Variants in CFAP44 observed in about 807,000 individuals in gnomAD.
CFAP44 encodes the protein cilia- and flagella-associated protein 44.
In CFAP44, 134 loss-of-function variants were observed where a neutral mutation model predicts 216.2. That is an observed-to-expected ratio of 0.62 (90% CI 0.54 to 0.72). The LOEUF (loss-of-function observed/expected upper bound fraction) is 0.72, where lower values mean the gene tolerates loss of function less well. Among genes scored for constraint, CFAP44 ranks in the 30% least tolerant of loss-of-function variants. The probability of loss-of-function intolerance (pLI) is 0.00; values close to 1 mark genes in which losing one functional copy is unlikely to be tolerated. For synonymous variants in CFAP44, 700 were observed against 727.6 expected, an observed-to-expected ratio of 0.96 and a Z score of 0.61; for missense variants, 2,035 against 2,182.1, an observed-to-expected ratio of 0.93 and a Z score of 1.34.
At chr3:113,423,084 A>C (rs1302793947) in intron 4 of CFAP44, among the ~76,000 whole-genome samples, 1 of 148,584 alleles carries the variant, frequency 6.7e-6, no homozygotes, top group African/African-American at 2.5e-5. Flanking sequence ...TAATTTGTGC[A>C]TAACTGGAAT....
intron 2 of CFAP44, among the ~76,000 whole-genome samples, chr3:113,428,673 AACCTGAAATC>A (rs1559947320): frequency 6.6e-6 from 1 of 152,218 alleles, no homozygotes; most frequent in Non-Finnish European, 1.5e-5. Flanking sequence ...AAGCAGTTAA[AACCTGAAATC>A]ACAAATGGAT....
In CFAP44 at chr3:113,306,350, T is replaced by C. The variant is rs1949985480; in HGVS notation, c.4628-19A>G. ...TCACAATCTGCCAAGAGAATTAAAA[T>C]AAAAACCAGCCTCATTTGTTATGGA... On this transcript the variant is annotated intron_variant, in intron 29 of 34. Coordinates refer to ENST00000393845, the MANE Select transcript of CFAP44 (RefSeq NM_001164496.2). 6.5e-7 allele frequency: 1 copy of C among 1,531,562 alleles called. No homozygotes were observed. The highest frequency in any genetic ancestry group is 8.7e-7 in the Non-Finnish European group (1 of 1,145,590). The allele number at this position is 1,531,562 out of a possible 1,614,324, so 94.9% of individuals were successfully genotyped here. A position where few individuals can be genotyped will look rare whatever the true frequency, so the allele number is the denominator to read the frequency against.
chr3:113,433,122 G>A (rs1935147312), intron 2 of CFAP44, among the ~76,000 whole-genome samples: 1 of 151,842 alleles, frequency 6.6e-6, no homozygotes, highest in Non-Finnish European at 1.5e-5. Flanking sequence ...AGCTTTCTGG[G>A]AACAGGGAGT....
intron 28 of CFAP44, among the ~76,000 whole-genome samples, chr3:113,323,478 A>G (rs908864062): frequency 1.3e-5 from 2 of 152,174 alleles, no homozygotes; most frequent in Admixed American, 6.5e-5. Flanking sequence ...TGGTGAGGGA[A>G]GGAGGGGGGC....
intron 13 of CFAP44, among the ~76,000 whole-genome samples, chr3:113,398,280 AG>A (rs1181825070): frequency 1.3e-5 from 2 of 152,132 alleles, no homozygotes; most frequent in East Asian, 3.9e-4. Flanking sequence ...ACAAGCACTA[AG>A]GGGAAGAAAA....
At chr3:113,427,040 A>G in intron 3 of CFAP44, 147 bp downstream of exon 3, 2 of 857,216 alleles carry the variant, frequency 2.3e-6, no homozygotes, top group South Asian at 3.5e-5. Context: ...AAAGTACCCT[A>G]CCAAAATATG....
chr3:113,427,423 G>T, intron 2 of CFAP44, 84 bp from the exon 3 acceptor site: 2 of 1,059,722 alleles, frequency 1.9e-6, no homozygotes, highest in Non-Finnish European at 2.7e-6. Flanking sequence ...CAATTTCCTT[G>T]TGCTATAGAT....
chr3:113,305,542 T>G (rs752231001), intron 30 of CFAP44, among the ~76,000 whole-genome samples: 1 of 152,226 alleles, frequency 6.6e-6, no homozygotes, highest in African/African-American at 2.4e-5. Flanking sequence ...TTTAAAGCAA[T>G]GAAACTGCTA....
intron 1 of CFAP44, among the ~76,000 whole-genome samples, chr3:113,435,255 G>T (rs1935207533): frequency 6.6e-6 from 1 of 152,162 alleles, no homozygotes; most frequent in African/African-American, 2.4e-5. Flanking sequence ...ATAAAGGAAA[G>T]GGGTTTAATT....
At chr3:113,434,418 T>C (rs780797405) in intron 1 of CFAP44, 30 of 152,162 alleles carry the variant, frequency 2.0e-4, no homozygotes, top group Non-Finnish European at 4.0e-4. Flanking sequence ...AAAATGGATA[T>C]TGAAGAGAAG....
chr3:113,330,123 C>G, intron 26 of CFAP44, 45 bp downstream of exon 26: 2 of 1,451,194 alleles, frequency 1.4e-6, no homozygotes, highest in Non-Finnish European at 1.8e-6. Context: ...TTTTTCCCTT[C>G]TCTTCTCTCT....
At chr3:113,440,412 A>T (rs1231382883) in intron 1 of CFAP44, among the ~76,000 whole-genome samples, 2 of 152,118 alleles carry the variant, frequency 1.3e-5, no homozygotes, top group African/African-American at 4.8e-5. Flanking sequence ...TATTACTGTC[A>T]TTATTTTACA....
At chr3:113,355,078 T>C (rs1409705633) in intron 22 of CFAP44, among the ~76,000 whole-genome samples, 1 of 151,788 alleles carries the variant, frequency 6.6e-6, no homozygotes, top group Non-Finnish European at 1.5e-5. Context: ...GGGGAAAGGG[T>C]GGGGGATGGT....
chr3:113,308,426 T>C (rs990534911), intron 28 of CFAP44, among the ~76,000 whole-genome samples, 158 bp from the exon 29 acceptor site: 3 of 152,168 alleles, frequency 2.0e-5, no homozygotes, highest in Non-Finnish European at 2.9e-5. Flanking sequence ...CAAACCCAAA[T>C]GCCTGCAGAG....
chr3:113,375,742 G>A (rs6438141), intron 17 of CFAP44, among the ~76,000 whole-genome samples: 150,278 of 152,314 alleles, frequency 0.99, 74,173 homozygotes, highest in Middle Eastern at 1. Context: ...AATCACTTGA[G>A]CCTGGGAAGT....
chr3:113,301,006 C>A (rs181954203), intron 32 of CFAP44, among the ~76,000 whole-genome samples: 174 of 152,068 alleles, frequency 1.1e-3, no homozygotes, highest in African/African-American at 4.0e-3. Flanking sequence ...AGGTATGAAA[C>A]CCTTATATTT....
rs1950191894 is a variant in CFAP44, at chr3:113,326,648, A to G, written c.4321-8T>C. On this transcript the variant is annotated splice_region_variant and splice_polypyrimidine_tract_variant and intron_variant, in intron 27 of 34. Coordinates refer to ENST00000393845, the MANE Select transcript of CFAP44 (RefSeq NM_001164496.2). ...AGTTTCATTTATTTTCCACTAAATGAATAAAAACAAGGACAAATGATAAAT... is the reference window on the plus strand; with the variant it reads ...AGTTTCATTTATTTTCCACTAAATGGATAAAAACAAGGACAAATGATAAAT... 5 of 1,454,854 alleles carry G rather than the reference A, an allele frequency of 3.4e-6. No individual in the cohort carries two copies. The East Asian group carries it at 1.3e-4, about 36-fold the overall frequency. The allele number at this position is 1,454,854 out of a possible 1,614,324, so 90.1% of individuals were successfully genotyped here.
At chr3:113,320,956 T>C (rs1053567043) in intron 28 of CFAP44, among the ~76,000 whole-genome samples, 12 of 152,142 alleles carry the variant, frequency 7.9e-5, no homozygotes, top group African/African-American at 2.9e-4. Context: ...ATACTTTGCA[T>C]CCTTCAATCC....
At position 113,379,468 on chromosome 3, in the gene CFAP44, T is replaced by G; in HGVS notation, c.2136A>C (p.Ala712=). 1 of 1,610,946 alleles carries G rather than the reference T, an allele frequency of 6.2e-7. No homozygotes were observed. Among genetic ancestry groups the G allele is most frequent in the South Asian group, 1.1e-5 (1 of 90,970 alleles). ...CTTTTTCTCCATCTTCTCCCATCTC[T>G]GCTGCTAGCTTGTTCCTCCTTTCTT... ...IREERRNKLA[A]EMGEDGEKEF... is the part of the protein sequence containing the mutation. The change falls in exon 17 of 35, where the codon GCA becomes GCC. Residue 712 remains alanine, a synonymous_variant. Transcript: ENST00000393845.
Sources: allele counts gnomAD v4.1 joint callset (sites outside exome capture counted in the v4.1 genomes callset), GRCh38; gene constraint gnomAD v4.1.1; transcripts MANE v1.5; gene names NCBI Gene and HGNC (gene_info 2026-07-23, HGNC 2026-07-21).